The following USP20 variants were observed in gnomAD, a reference collection of about 807,000 sequenced individuals.
USP20 encodes the protein ubiquitin specific peptidase 20, also known as ubiquitin carboxyl-terminal hydrolase 20.
USP20 carries 80 observed loss-of-function variants against 124.2 expected under a neutral mutation model. The observed-to-expected ratio is 0.64, with a 90% CI of 0.54 to 0.78. USP20 has a LOEUF of 0.78. Ranked by LOEUF, USP20 falls within the 30% of genes least tolerant of loss-of-function variation. USP20 has a pLI of 0.00. For missense variants in USP20, 1,043 were observed against 1,244.4 expected, an observed-to-expected ratio of 0.84 and a Z score of 2.44; for synonymous variants, 481 against 512.3, an observed-to-expected ratio of 0.94 and a Z score of 0.83.
chr9:129,876,857 T>C lies in USP20; in HGVS notation c.2409+619T>C, dbSNP rs535161622. 1.4e-4 allele frequency among the ~76,000 whole-genome samples: 21 copies of C among 152,222 alleles called. No individual in the cohort carries two copies. In the South Asian group the frequency reaches 2.5e-3, roughly 18 times the overall value. ...ATTATTCTTTATTGTGGGGCCGTCCTGTGCATTGTAGGATGTTTAGCAGCA... is the reference window on the plus strand; with the variant it reads ...ATTATTCTTTATTGTGGGGCCGTCCCGTGCATTGTAGGATGTTTAGCAGCA... On this transcript the variant is annotated intron_variant, in intron 22 of 25. Coordinates refer to ENST00000372429, the MANE Select transcript of USP20 (RefSeq NM_001110303.4).
intron 10 of USP20, 132 bp downstream of exon 10, chr9:129,865,513 C>G: frequency 1.1e-6 from 1 of 882,162 alleles, no homozygotes; most frequent in African/African-American, 1.6e-5. Context: ...ACCAGGCTCT[C>G]ACTCCTAAGC....
intron 2 of USP20, among the ~76,000 whole-genome samples, chr9:129,850,587 G>A (rs62586270): frequency 0.084 from 12,823 of 152,176 alleles, 599 homozygotes; most frequent in Middle Eastern, 0.14. Context: ...GTAAGGAGGA[G>A]TCTGGGGGTC....
At chr9:129,871,992 C>G (rs546644239) in intron 15 of USP20, among the ~76,000 whole-genome samples, 2 of 151,506 alleles carry the variant, frequency 1.3e-5, no homozygotes, top group South Asian at 2.1e-4. Flanking sequence ...CTGGGATTAC[C>G]GGCGTGAGCC....
chr9:129,844,641 A>T (rs1353489579), intron 1 of USP20, among the ~76,000 whole-genome samples: 1 of 148,572 alleles, frequency 6.7e-6, no homozygotes, highest in African/African-American at 2.6e-5. Flanking sequence ...AAAAAAAAAA[A>T]AAAAAAATTA....
At position 129,844,666 on chromosome 9, in the gene USP20, T is replaced by TA. The variant is rs1258015067; in HGVS notation, c.-128-5144dup. Among the ~76,000 whole-genome samples the TA allele has an allele frequency of 1.5e-4, 22 of 151,322 alleles. 1 individual carries two copies. The highest frequency in any genetic ancestry group is 5.3e-4 in the African/African-American group (22 of 41,318). ...AAAAAAAATTATATATTCGTACATG[T>TA]AAATAAGACTTACCAAAACCAAAAA... On this transcript the variant is annotated intron_variant, in intron 1 of 25. Coordinates refer to ENST00000372429, the MANE Select transcript of USP20 (RefSeq NM_001110303.4).
At chr9:129,854,133 T>C (rs117354554) in intron 3 of USP20, among the ~76,000 whole-genome samples, 2,216 of 152,306 alleles carry the variant, frequency 0.015, 24 homozygotes, top group Non-Finnish European at 0.023. Flanking sequence ...ATTTTGCAGA[T>C]GGGCGGAAAG....
At chr9:129,873,367 A>G in intron 15 of USP20, 115 bp from the exon 16 acceptor site, 3 of 1,318,940 alleles carry the variant, frequency 2.3e-6, no homozygotes, top group Non-Finnish European at 3.3e-6. Context: ...TACACGCATG[A>G]GCCACCATGC....
chr9:129,880,445 C>T, intron 25 of USP20, 22 bp from the exon 26 acceptor site: 1 of 890,576 alleles, frequency 1.1e-6, no homozygotes. Flanking sequence ...GGCCCCACTG[C>T]TGAGTGCCCG....
intron 7 of USP20, 33 bp from the exon 8 acceptor site, chr9:129,861,510 C>T (rs41279148): frequency 6.2e-7 from 1 of 1,605,562 alleles, no homozygotes; most frequent in Non-Finnish European, 8.5e-7. Context: ...GCAGGGTGCT[C>T]ACCTGCTCCT....
At chr9:129,873,130 G>A (rs1464283340) in intron 15 of USP20, among the ~76,000 whole-genome samples, 1 of 115,786 alleles carries the variant, frequency 8.6e-6, no homozygotes, top group African/African-American at 3.3e-5. Context: ...CACCCAGGCT[G>A]GAGTGCAGTG....
chr9:129,844,338 A>G (rs1357845183), intron 1 of USP20, among the ~76,000 whole-genome samples: 6 of 152,150 alleles, frequency 3.9e-5, no homozygotes, highest in African/African-American at 1.4e-4. Flanking sequence ...TAAAATTTAT[A>G]TATCTGGTTG....
chr9:129,861,590 G>C lies in USP20; in HGVS notation c.475G>C (p.Ala159Pro). 6.2e-7 allele frequency: 1 copy of C among 1,614,090 alleles called. No homozygotes were observed. The highest frequency in any genetic ancestry group is 8.5e-7 in the Non-Finnish European group (1 of 1,179,998). Residue 159 changes from alanine to proline, a missense_variant, in exon 8 of 26, where the codon GCC becomes CCC. Physicochemically the swap from Ala to Pro is conservative, Grantham distance 27 (BLOSUM62 -1). Coordinates refer to ENST00000372429, the MANE Select transcript of USP20 (RefSeq NM_001110303.4). Reference sequence around the variant, plus strand: ...CGGGAACTCCTGCTACATGAACGCTGCCCTGCAGGCCCTGTCCAATTGGTA... The same window carrying C: ...CGGGAACTCCTGCTACATGAACGCTCCCCTGCAGGCCCTGTCCAATTGGTA... ...NLGNSCYMNAALQALSNCPPL... is the reference protein window; with the variant it reads ...NLGNSCYMNAPLQALSNCPPL...
rs79714005 is a variant in USP20 at position 129,841,487 on chromosome 9, A to G, written c.-129+5988A>G. ...AACAATTCAGTCCATAACAAATACTATGATCTAACAGGCAGTCCACACTCA... is the reference window on the plus strand; with the variant it reads ...AACAATTCAGTCCATAACAAATACTGTGATCTAACAGGCAGTCCACACTCA... On this transcript the variant is annotated intron_variant, in intron 1 of 25. Coordinates refer to ENST00000372429, the MANE Select transcript of USP20 (RefSeq NM_001110303.4). 8.7e-3 allele frequency among the ~76,000 whole-genome samples: 1,322 copies of G among 152,334 alleles called. 8 individuals carry two copies. The highest frequency in any genetic ancestry group is 0.014 in the Non-Finnish European group (980 of 68,030).
intron 13 of USP20, 52 bp downstream of exon 13, chr9:129,869,477 C>T (rs750538614): frequency 6.3e-7 from 1 of 1,584,088 alleles, no homozygotes; most frequent in South Asian, 1.1e-5. Flanking sequence ...GTGGCCTCAG[C>T]AGCTCTTGCC....
At chr9:129,871,403 C>A (rs960319067) in intron 15 of USP20, among the ~76,000 whole-genome samples, 2 of 152,152 alleles carry the variant, frequency 1.3e-5, no homozygotes, top group South Asian at 4.1e-4. Flanking sequence ...ATGGCTGGGG[C>A]CTTTCTGCTT....
chr9:129,876,211 G>A lies in USP20; in HGVS notation c.2382G>A (p.Arg794=). The A allele has an allele frequency of 6.2e-7, 1 of 1,612,030 alleles. No individual in the cohort carries two copies. The part of the protein sequence containing the change: ...QVEIEALAKR[R]RIEIDTFIKL... The stretch of plus-strand genomic sequence containing the variant: ...AGATCGAGGCACTGGCCAAGCGCAG[G>A]AGGATCGAGATCGACACCTTCATCA... The change falls in exon 22 of 26, where the codon AGG becomes AGA. Residue 794 remains arginine, a synonymous_variant. Coordinates refer to ENST00000372429, the MANE Select transcript of USP20 (RefSeq NM_001110303.4).
chr9:129,838,042 AT>A (rs35724053), intron 1 of USP20, among the ~76,000 whole-genome samples: 20,019 of 142,380 alleles, frequency 0.14, 1,840 homozygotes, highest in African/African-American at 0.29. Context: ...GTTGACAACA[AT>A]TTTTTTTTTT....
Position 129,868,201 on chromosome 9 carries a change from A to G in USP20, c.887A>G (p.Asp296Gly), listed in dbSNP as rs756385171. Residue 296 changes from aspartate (D) to glycine (G), a missense_variant, in exon 11 of 26, where the codon GAC becomes GGC. Physicochemically the swap from Asp to Gly is moderately conservative, Grantham distance 94. Coordinates refer to ENST00000372429, the MANE Select transcript of USP20 (RefSeq NM_001110303.4). ...TCGAGCAGTGACCGGGGTGAGGGTG[A>G]CGGGCAGGGGCGTGGCGGGGGCAGC... ...CDSSSDRGEG[D>G]GQGRGGGSSQ... 5.6e-6 allele frequency: 9 copies of G among 1,613,894 alleles called. No homozygotes were observed. In the Admixed American group the frequency reaches 1.5e-4, roughly 27 times the overall value.
intron 1 of USP20, among the ~76,000 whole-genome samples, chr9:129,848,033 C>T (rs1416348223): frequency 6.6e-6 from 1 of 152,048 alleles, no homozygotes; most frequent in Admixed American, 6.6e-5. Context: ...CACGGTGGCT[C>T]ACGCCTGTAA....
Sources: allele counts gnomAD v4.1 joint callset (sites outside exome capture counted in the v4.1 genomes callset), GRCh38; gene constraint gnomAD v4.1.1; transcripts MANE v1.5; gene names NCBI Gene and HGNC (gene_info 2026-07-23, HGNC 2026-07-21).